Variants in RGPD2 observed in about 807,000 individuals in gnomAD.
The protein encoded by RGPD2 is RANBP2 like and GRIP domain containing 2, also known as RANBP2-like and GRIP domain-containing protein 2.
Under a neutral mutation model 36.0 loss-of-function variants are expected in RGPD2, and 2 were observed. The ratio of observed to expected loss-of-function variants is 0.06; its 90% CI spans 0.02 to 0.17. RGPD2 has a LOEUF of 0.17. RGPD2 is among the 10% of genes least tolerant of loss of function. RGPD2 has a pLI of 1.00. For missense variants in RGPD2, 40 were observed against 464.3 expected (o/e 0.09, Z 8.40); for synonymous variants, 19 against 163.8 (o/e 0.12, Z 6.75).
the RGPD2 span, chr2:87,989,630 T>A: frequency 6.8e-6 from 4 of 592,364 alleles, no homozygotes; most frequent in East Asian, 1.5e-4. Context: ...CAGACAAAAT[T>A]CTGTATTCTG....
chr2:87,988,622 C>T, the RGPD2 span, among the ~76,000 whole-genome samples: 1 of 148,412 alleles, frequency 6.7e-6, no homozygotes, highest in African/African-American at 2.5e-5. Flanking sequence ...CTCACTGCAA[C>T]CTCCGCATTC....
chr2:87,984,031 G>A, the RGPD2 span, among the ~76,000 whole-genome samples: 4 of 149,510 alleles, frequency 2.7e-5, no homozygotes, highest in South Asian at 8.7e-4. Context: ...TTATCAAACA[G>A]GATTACTTTG....
At chr2:87,839,728 C>T in the RGPD2 span, among the ~76,000 whole-genome samples, 10 of 151,922 alleles carry the variant, frequency 6.6e-5, no homozygotes, top group East Asian at 1.9e-4. Flanking sequence ...AATGAGTACA[C>T]GGGAACACAA....
the RGPD2 span, among the ~76,000 whole-genome samples, chr2:87,919,366 A>C: frequency 6.6e-6 from 1 of 151,356 alleles, no homozygotes; most frequent in African/African-American, 2.4e-5. Flanking sequence ...TCTTCTATTC[A>C]AATGTAACTT....
the RGPD2 span, among the ~76,000 whole-genome samples, chr2:87,855,125 C>T: frequency 6.6e-6 from 1 of 151,782 alleles, no homozygotes; most frequent in African/African-American, 2.4e-5. Context: ...AAATTACATC[C>T]TCAGAACTTC....
chr2:87,966,220 G>A, the RGPD2 span, among the ~76,000 whole-genome samples: 737 of 152,228 alleles, frequency 4.8e-3, no homozygotes, highest in Middle Eastern at 0.01. Context: ...CTCCAGAGCT[G>A]TATATGCCAC....
the RGPD2 span, among the ~76,000 whole-genome samples, chr2:87,841,011 T>C: frequency 6.6e-6 from 1 of 152,070 alleles, no homozygotes; most frequent in Non-Finnish European, 1.5e-5. Flanking sequence ...TTAATAGGAC[T>C]ATAACTTTCT....
At chr2:87,824,760 C>T (rs1686575079) in intron 1 of RGPD2, among the ~76,000 whole-genome samples, 1 of 122,942 alleles carries the variant, frequency 8.1e-6, no homozygotes, top group African/African-American at 3.0e-5. Context: ...CCGCCGCCGC[C>T]GCCGCCGCCC....
the RGPD2 span, among the ~76,000 whole-genome samples, chr2:87,861,410 T>C: frequency 3.3e-5 from 5 of 152,130 alleles, no homozygotes; most frequent in African/African-American, 1.2e-4. Flanking sequence ...ATCATGACCT[T>C]ATTAGAAAGT....
At chr2:87,848,859 GGTGT>G in the RGPD2 span, among the ~76,000 whole-genome samples, 193 of 145,006 alleles carry the variant, frequency 1.3e-3, 1 homozygote, top group Non-Finnish European at 2.0e-3. Context: ...TTGAGGGTGT[GGTGT>G]GTGTGTGTGT....
chr2:87,935,407 G>T, the RGPD2 span, among the ~76,000 whole-genome samples: 1 of 149,656 alleles, frequency 6.7e-6, no homozygotes, highest in Non-Finnish European at 1.5e-5. Context: ...AAATATGGTT[G>T]TACACAACCA....
chr2:87,969,412 T>G, the RGPD2 span, among the ~76,000 whole-genome samples: 2 of 144,074 alleles, frequency 1.4e-5, no homozygotes, highest in Non-Finnish European at 3.0e-5. Flanking sequence ...ATTCCAGCAC[T>G]TTGGGAGACT....
At chr2:87,980,114 C>T in the RGPD2 span, among the ~76,000 whole-genome samples, 5 of 152,008 alleles carry the variant, frequency 3.3e-5, no homozygotes, top group South Asian at 1.0e-3. Flanking sequence ...CTTTGGGACA[C>T]CAAGGTCAGG....
the RGPD2 span, among the ~76,000 whole-genome samples, chr2:87,846,412 A>T: frequency 6.6e-6 from 1 of 152,104 alleles, no homozygotes; most frequent in African/African-American, 2.4e-5. Flanking sequence ...TTATTTATAC[A>T]TTATGATATT....
At position 87,825,497 on chromosome 2, in the gene RGPD2, CG is replaced by C. The variant is rs1333668589; in HGVS notation, c.72+160del. Among the ~76,000 whole-genome samples the C allele has an allele frequency of 3.9e-4, 22 of 56,606 alleles. 1 individual carries two copies. Among genetic ancestry groups the C allele is most frequent in the Middle Eastern group, 0.02 (2 of 102 alleles). 37.1% of individuals were successfully genotyped at this position (56,606 alleles called of 152,430 possible). The stretch of plus-strand genomic sequence containing the variant: ...GCCGTCGCCGCCGCCGCCGCCCGGC[CG>C]AGGCCGAGGCCGAGGCCGCCGCCCG... On this transcript the variant is annotated intron_variant, in intron 1 of 22. Coordinates refer to ENST00000398146, the MANE Select transcript of RGPD2 (RefSeq NM_001078170.3).
the RGPD2 span, among the ~76,000 whole-genome samples, chr2:87,869,735 A>G: frequency 1.3e-5 from 2 of 152,258 alleles, no homozygotes; most frequent in African/African-American, 4.8e-5. Flanking sequence ...ATTGCTTTAT[A>G]TATTAAATTT....
At chr2:87,824,310 G>C (rs1169233719) in intron 1 of RGPD2, among the ~76,000 whole-genome samples, 2 of 151,908 alleles carry the variant, frequency 1.3e-5, no homozygotes, top group African/African-American at 2.4e-5. Context: ...ACATGTGAGG[G>C]AGTAGAAAAA....
chr2:87,844,408 T>C, the RGPD2 span, among the ~76,000 whole-genome samples: 1 of 151,638 alleles, frequency 6.6e-6, no homozygotes, highest in Non-Finnish European at 1.5e-5. Flanking sequence ...CACATATTCT[T>C]GATTGTTTAG....
the RGPD2 span, chr2:87,989,555 A>G: frequency 2.4e-6 from 1 of 412,768 alleles, no homozygotes; most frequent in Admixed American, 4.5e-5. Context: ...GTAAAAAGTA[A>G]AATAGTGCCA....
Sources: allele counts gnomAD v4.1 joint callset (sites outside exome capture counted in the v4.1 genomes callset), GRCh38; gene constraint gnomAD v4.1.1; transcripts MANE v1.5; gene names NCBI Gene and HGNC (gene_info 2026-07-23, HGNC 2026-07-21).